Variants in CCDC97 observed in about 807,000 individuals in gnomAD.
CCDC97 encodes the protein coiled-coil domain containing 97.
Under a neutral mutation model 33.9 loss-of-function variants are expected in CCDC97, and 27 were observed. The ratio of observed to expected loss-of-function variants is 0.80; its 90% CI spans 0.59 to 1.10. CCDC97 has a LOEUF of 1.10. CCDC97 is among the 50% of genes least tolerant of loss of function. CCDC97 has a pLI of 0.00. For synonymous variants in CCDC97, 217 were observed against 194.0 expected (o/e 1.12, Z -0.99); for missense variants, 422 against 476.6 (o/e 0.89, Z 1.07).
intron 1 of CCDC97, among the ~76,000 whole-genome samples, chr19:41,313,398 C>G (rs2037709711): frequency 6.6e-6 from 1 of 152,130 alleles, no homozygotes; most frequent in Non-Finnish European, 1.5e-5. Flanking sequence ...CACGTCAGCC[C>G]TGTGGCTCCT....
At position 41,319,140 on chromosome 19, in the gene CCDC97, G is replaced by A. The variant is rs114236497; in HGVS notation, c.503-434G>A. 3.3e-3 allele frequency among the ~76,000 whole-genome samples: 496 copies of A among 152,298 alleles called. 2 individuals carry two copies. The highest frequency in any genetic ancestry group is 9.8e-3 in the African/African-American group (409 of 41,560). ...CACAGTTGTACACGAGCTCCAGACC[G>A]TCAGAGCCTCAGAGGCCAGGATGTA... On this transcript the variant is annotated intron_variant, in intron 2 of 4. Transcript: ENST00000269967.
intron 1 of CCDC97, 112 bp downstream of exon 1, chr19:41,310,468 C>T (rs1440935233): frequency 1.3e-6 from 2 of 1,514,764 alleles, no homozygotes; most frequent in Non-Finnish European, 1.8e-6. Context: ...ACCCACCCCC[C>T]TCAGCTTTAC....
At chr19:41,315,443 C>T (rs2123055461) in intron 1 of CCDC97, among the ~76,000 whole-genome samples, 1 of 151,546 alleles carries the variant, frequency 6.6e-6, no homozygotes, top group African/African-American at 2.4e-5. Flanking sequence ...CCTGTCTCTA[C>T]TAAAAATACA....
In CCDC97 at chr19:41,310,280, C is replaced by A; in HGVS notation, c.-31C>A. The stretch of plus-strand genomic sequence containing the variant: ...GCCGGAGGTTAGTGTGCGGGGCCCG[C>A]CGGGCGGTTGAAAAGTCCGAGAGAA... On this transcript the variant is annotated 5_prime_UTR_variant, in exon 1 of 5. Transcript: ENST00000269967. 6.9e-6 allele frequency: 11 copies of A among 1,583,906 alleles called. No individual in the cohort carries two copies. The highest frequency in any genetic ancestry group is 9.4e-6 in the Non-Finnish European group (11 of 1,165,328).
intron 1 of CCDC97, among the ~76,000 whole-genome samples, chr19:41,315,566 C>T (rs1023659005): frequency 4.6e-5 from 7 of 151,362 alleles, no homozygotes; most frequent in Non-Finnish European, 8.8e-5. Flanking sequence ...GCAGATCTCA[C>T]GCCATTGCAC....
At chr19:41,320,672 T>C (rs933812726) in intron 4 of CCDC97, 2 of 582,768 alleles carry the variant, frequency 3.4e-6, no homozygotes, top group African/African-American at 3.8e-5. Context: ...ACCCTCAGTC[T>C]CCTCACCTCT....
rs750609499 is a variant in CCDC97 at position 41,319,749 on chromosome 19, G to C, written c.678G>C (p.Gln226His). ...PACPLSNLLL[Q>H]SYEERELQQR... ...GCCCGCTCTCCAACTTGCTGCTCCAGTCCTACGAGGAGCGGGAGCTACAGC... is the reference window on the plus strand; with the variant it reads ...GCCCGCTCTCCAACTTGCTGCTCCACTCCTACGAGGAGCGGGAGCTACAGC... The change falls in exon 3 of 5, where the codon CAG becomes CAC. Residue 226 changes from glutamine to histidine, a missense_variant. Gln to His is a conservative substitution (Grantham distance 24). Coordinates refer to ENST00000269967, the MANE Select transcript of CCDC97 (RefSeq NM_052848.3). 11 of 1,613,844 alleles carry C rather than the reference G, an allele frequency of 6.8e-6. No homozygotes were observed. Among genetic ancestry groups the C allele is most frequent in the Non-Finnish European group, 8.5e-6 (10 of 1,179,872 alleles).
At chr19:41,314,146 T>G (rs539388066) in intron 1 of CCDC97, among the ~76,000 whole-genome samples, 18 of 149,974 alleles carry the variant, frequency 1.2e-4, no homozygotes, top group African/African-American at 2.2e-4. Context: ...AGATTTAGTG[T>G]TTTTTTTTCT....
At chr19:41,315,529 G>C (rs968768027) in intron 1 of CCDC97, among the ~76,000 whole-genome samples, 6 of 150,312 alleles carry the variant, frequency 4.0e-5, no homozygotes, top group African/African-American at 7.4e-5. Flanking sequence ...ACAATAACTT[G>C]AACCCAGGAG....
intron 1 of CCDC97, chr19:41,310,687 C>G: frequency 1.6e-6 from 2 of 1,231,416 alleles, no homozygotes; most frequent in South Asian, 4.6e-5. Context: ...TCAGACCAGC[C>G]CTTCTCAAAT....
At chr19:41,321,801 G>C (rs936296580) in intron 4 of CCDC97, among the ~76,000 whole-genome samples, 1 of 152,176 alleles carries the variant, frequency 6.6e-6, no homozygotes, top group Non-Finnish European at 1.5e-5. Context: ...GGGTCGCAAG[G>C]GGGTAGGAGA....
chr19:41,316,562 G>A lies in CCDC97; in HGVS notation c.225G>A (p.Leu75=). ...TGCACGCTGTAGCCGCCAGCCGCCT[G>A]CCTGTTTGCAGCCAGCAGCAGGGTG... ...AMLHAVAASR[L]PVCSQQQGEP... The change falls in exon 2 of 5, where the codon CTG becomes CTA. Residue 75 remains leucine, a synonymous_variant. Coordinates refer to ENST00000269967, the MANE Select transcript of CCDC97 (RefSeq NM_052848.3). The A allele has an allele frequency of 1.2e-6, 2 of 1,614,254 alleles. No homozygotes were observed. The highest frequency in any genetic ancestry group is 1.7e-6 in the Non-Finnish European group (2 of 1,180,044).
intron 1 of CCDC97, among the ~76,000 whole-genome samples, chr19:41,313,679 G>T (rs1005130346): frequency 3.3e-5 from 5 of 152,222 alleles, no homozygotes; most frequent in African/African-American, 1.2e-4. Context: ...ACCAAGGTTT[G>T]CCCAGCGCTC....
At chr19:41,312,388 T>G (rs898883259) in intron 1 of CCDC97, among the ~76,000 whole-genome samples, 3 of 152,066 alleles carry the variant, frequency 2.0e-5, no homozygotes, top group Non-Finnish European at 4.4e-5. Flanking sequence ...CTTGGCCCAT[T>G]CAGGTTTTTT....
chr19:41,316,750 AG>A lies in CCDC97; in HGVS notation c.415del (p.Val139TrpfsTer27). ...CACCGTGCAGACTTCTACTGTGCTG[AG>A]GTGGCCCGGCAGGGCACTGCCCGGC... ...GDHRADFYCA[E>X]VARQGTARPR... On this transcript the variant is annotated frameshift_variant, in exon 2 of 5. Coordinates refer to ENST00000269967, the MANE Select transcript of CCDC97 (RefSeq NM_052848.3). LOFTEE classifies it high-confidence loss of function. 6.2e-7 allele frequency: 1 copy of A among 1,613,238 alleles called. No homozygotes were observed. The highest frequency in any genetic ancestry group is 8.5e-7 in the Non-Finnish European group (1 of 1,179,604).
At chr19:41,313,277 T>TC (rs2037708043) in intron 1 of CCDC97, among the ~76,000 whole-genome samples, 1 of 152,164 alleles carries the variant, frequency 6.6e-6, no homozygotes, top group Non-Finnish European at 1.5e-5. Flanking sequence ...TTGTCTTGAT[T>TC]CTGATGACAC....
chr19:41,316,009 G>A (rs909637574), intron 1 of CCDC97, among the ~76,000 whole-genome samples: 8 of 151,500 alleles, frequency 5.3e-5, no homozygotes, highest in African/African-American at 1.2e-4. Context: ...TGGGAGGATC[G>A]CTCAAGCCCA....
chr19:41,316,717 G>A lies in CCDC97; in HGVS notation c.380G>A (p.Arg127His), dbSNP rs200401151. 1.5e-4 allele frequency: 237 copies of A among 1,613,752 alleles called. No individual in the cohort carries two copies. Among genetic ancestry groups the A allele is most frequent in the Middle Eastern group, 9.9e-4 (6 of 6,062 alleles). Residue 127 changes from arginine (R) to histidine (H), a missense_variant, in exon 2 of 5, where the codon CGT (arginine) becomes CAT (histidine). Physicochemically the swap from Arg to His is conservative, Grantham distance 29. Transcript: ENST00000269967. ...CATCTGGCCTGCTTTGGCCACGTGC[G>A]TGGCGACCACCGTGCAGACTTCTAC... is the stretch of plus-strand genomic sequence containing the variant. ...EEHLACFGHVRGDHRADFYCA... is the reference protein window; with the variant it reads ...EEHLACFGHVHGDHRADFYCA...
intron 2 of CCDC97, among the ~76,000 whole-genome samples, chr19:41,318,555 T>C (rs1568469561): frequency 6.6e-6 from 1 of 152,160 alleles, no homozygotes; most frequent in Non-Finnish European, 1.5e-5. Context: ...TCACAGCCTA[T>C]GGTGCTGCAG....
Sources: allele counts gnomAD v4.1 joint callset (sites outside exome capture counted in the v4.1 genomes callset), GRCh38; gene constraint gnomAD v4.1.1; transcripts MANE v1.5; gene names NCBI Gene and HGNC (gene_info 2026-07-23, HGNC 2026-07-21).